MTUS2: variants seen among roughly 807,000 people sequenced by gnomAD.
MTUS2 encodes microtubule associated scaffold protein 2.
MTUS2 carries 40 observed loss-of-function variants against 114.1 expected under a neutral mutation model. The observed-to-expected ratio is 0.35, with a 90% CI of 0.27 to 0.46. MTUS2 has a LOEUF of 0.46. Ranked by LOEUF, MTUS2 falls within the 20% of genes least tolerant of loss-of-function variation. The pLI, the probability that MTUS2 is intolerant of heterozygous loss-of-function variation, is 1.00. For missense variants in MTUS2, 1,679 were observed against 1,705.4 expected, an observed-to-expected ratio of 0.98 and a Z score of 0.27; for synonymous variants, 688 against 672.0, an observed-to-expected ratio of 1.02 and a Z score of -0.37.
chr13:29,136,653 G>A (rs1382364187), intron 5 of MTUS2, among the ~76,000 whole-genome samples: 6 of 152,196 alleles, frequency 3.9e-5, no homozygotes, highest in Admixed American at 1.3e-4. Context: ...GATGCCTAGA[G>A]GTTGGCTGGC....
intron 2 of MTUS2, among the ~76,000 whole-genome samples, chr13:28,958,272 A>G (rs538047226): frequency 6.6e-6 from 1 of 152,192 alleles, no homozygotes; most frequent in Non-Finnish European, 1.5e-5. Flanking sequence ...GCGTTTTCCC[A>G]GCTGTCTGTA....
At chr13:29,158,358 C>CCCCCCCCCTTTTTTTT in intron 5 of MTUS2, among the ~76,000 whole-genome samples, 3 of 32,048 alleles carry the variant, frequency 9.4e-5, no homozygotes, top group South Asian at 1.2e-3. Context: ...GTCCACCCCG[C>CCCCCCCCCTTTTTTTT]TTTTTTTTTT....
intron 4 of MTUS2, among the ~76,000 whole-genome samples, chr13:29,068,226 C>T (rs918406493): frequency 2.0e-5 from 3 of 152,158 alleles, no homozygotes; most frequent in African/African-American, 4.8e-5. Flanking sequence ...CAGTGTTACC[C>T]ATTTCTACAT....
intron 5 of MTUS2, among the ~76,000 whole-genome samples, chr13:29,215,963 G>A (rs1895663392): frequency 6.6e-6 from 1 of 152,222 alleles, no homozygotes; most frequent in Non-Finnish European, 1.5e-5. Context: ...TAAGTCTGCT[G>A]AAGGTGTGCC....
intron 4 of MTUS2, among the ~76,000 whole-genome samples, chr13:29,068,861 T>C (rs543329865): frequency 2.0e-5 from 3 of 152,156 alleles, no homozygotes; most frequent in Admixed American, 6.5e-5. Context: ...GAGTTTGCCT[T>C]TTATCCTAAG....
chr13:29,159,902 A>G (rs968176707), intron 5 of MTUS2, among the ~76,000 whole-genome samples: 1 of 152,236 alleles, frequency 6.6e-6, no homozygotes, highest in Non-Finnish European at 1.5e-5. Flanking sequence ...TGAGAATGTG[A>G]AATGGTACAG....
chr13:29,291,879 C>T (rs982216780), intron 6 of MTUS2, among the ~76,000 whole-genome samples: 1 of 152,196 alleles, frequency 6.6e-6, no homozygotes, highest in Admixed American at 6.5e-5. Flanking sequence ...TTTCTTTTCT[C>T]AGTTTCATCC....
At chr13:28,887,352 A>G (rs1220731343) in intron 2 of MTUS2, among the ~76,000 whole-genome samples, 1 of 152,066 alleles carries the variant, frequency 6.6e-6, no homozygotes, top group East Asian at 1.9e-4. Flanking sequence ...CTCGTTTCTG[A>G]CGCACCTCCC....
At chr13:29,482,934 G>A (rs544239769) in intron 10 of MTUS2, among the ~76,000 whole-genome samples, 1 of 152,354 alleles carries the variant, frequency 6.6e-6, no homozygotes, top group Non-Finnish European at 1.5e-5. Flanking sequence ...CATGCAGGAA[G>A]TGAGGAAGAT....
rs572516919 is a variant in MTUS2, at chr13:29,505,383, G to A, written c.*2177G>A. 3.9e-5 allele frequency: 9 copies of A among 230,722 alleles called. No homozygotes were observed. Among genetic ancestry groups the A allele is most frequent in the African/African-American group, 6.6e-5 (3 of 45,248 alleles). 14.3% of individuals were successfully genotyped at this position (230,722 alleles called of 1,614,324 possible). On this transcript the variant is annotated 3_prime_UTR_variant, in exon 16 of 16. Transcript: ENST00000612955. ...AGTAATTCCTCATTAGGTGGACTTC[G>A]GTGAGAGCTTTGCCCTAACCTGCCC...
At chr13:28,831,666 A>C (rs1381754035) in intron 1 of MTUS2, among the ~76,000 whole-genome samples, 1 of 152,222 alleles carries the variant, frequency 6.6e-6, no homozygotes, top group African/African-American at 2.4e-5. Context: ...TTGAAAGAAG[A>C]AATAGAAAAT....
At position 29,447,761 on chromosome 13, in the gene MTUS2, G is replaced by C. The variant is rs578042624; in HGVS notation, c.3184+7712G>C. ...GTGGTGGTGGTTGTGGGGATTAAAG[G>C]GCATTTTGGATCCCCAGGAAACCAG... On this transcript the variant is annotated intron_variant, in intron 9 of 15. Coordinates refer to ENST00000612955, the MANE Select transcript of MTUS2 (RefSeq NM_001033602.4). Among the ~76,000 whole-genome samples, 87 of 151,920 alleles carry C rather than the reference G, an allele frequency of 5.7e-4. 1 individual carries two copies. The highest frequency in any genetic ancestry group is 1.9e-3 in the African/African-American group (80 of 41,434).
At chr13:29,500,532 T>TG (rs1882817652) in intron 14 of MTUS2, among the ~76,000 whole-genome samples, 1 of 152,154 alleles carries the variant, frequency 6.6e-6, no homozygotes, top group African/African-American at 2.4e-5. Context: ...CAGCTGCTCT[T>TG]GCGCTTTGCA....
rs1873181400 is a variant in MTUS2, at chr13:29,389,811, A to ATATG, written c.3117+30341_3117+30342insGTAT. On this transcript the variant is annotated intron_variant, in intron 8 of 15. Coordinates refer to ENST00000612955, the MANE Select transcript of MTUS2 (RefSeq NM_001033602.4). ...TATATGTATATACATACATATGTGT[A>ATATG]TATATACATACATATGTGTATATAT... is the stretch of plus-strand genomic sequence containing the variant. Among the ~76,000 whole-genome samples the ATATG allele has an allele frequency of 7.5e-5, 4 of 53,440 alleles. 1 individual carries two copies. The highest frequency in any genetic ancestry group is 3.6e-4 in the African/African-American group (4 of 11,254). The allele number at this position is 53,440 out of a possible 152,430, so 35.1% of individuals were successfully genotyped here.
At chr13:29,042,884 T>G (rs1478301546) in intron 4 of MTUS2, among the ~76,000 whole-genome samples, 1 of 152,100 alleles carries the variant, frequency 6.6e-6, no homozygotes, top group Non-Finnish European at 1.5e-5. Context: ...TTGCTAATGG[T>G]CTATCAATTT....
chr13:29,499,051 A>G (rs1034314769), intron 14 of MTUS2, among the ~76,000 whole-genome samples: 2 of 152,046 alleles, frequency 1.3e-5, no homozygotes, highest in Admixed American at 6.5e-5. Flanking sequence ...AAGGCTATTA[A>G]TCCCATTCAC....
intron 4 of MTUS2, among the ~76,000 whole-genome samples, chr13:29,078,082 C>T (rs1184747487): frequency 1.3e-5 from 2 of 151,786 alleles, no homozygotes; most frequent in South Asian, 2.1e-4. Context: ...TTTTGTTGTT[C>T]GAATAGAAAT....
intron 2 of MTUS2, among the ~76,000 whole-genome samples, chr13:28,882,150 C>G (rs1036669427): frequency 6.6e-6 from 1 of 152,004 alleles, no homozygotes; most frequent in Admixed American, 6.6e-5. Context: ...ACCTCTGCCC[C>G]CTAGGTTCAA....
chr13:29,117,868 G>C (rs1891155493), intron 5 of MTUS2, among the ~76,000 whole-genome samples: 1 of 152,160 alleles, frequency 6.6e-6, no homozygotes, highest in South Asian at 2.1e-4. Context: ...GCCAACACAG[G>C]AGACTTCTGT....
Sources: allele counts gnomAD v4.1 joint callset (sites outside exome capture counted in the v4.1 genomes callset), GRCh38; gene constraint gnomAD v4.1.1; transcripts MANE v1.5; gene names NCBI Gene and HGNC (gene_info 2026-07-23, HGNC 2026-07-21).